Variants in EIF4G3 observed in about 807,000 individuals in gnomAD.
The protein encoded by EIF4G3 is eukaryotic translation initiation factor 4 gamma 3.
Under a neutral mutation model 186.4 loss-of-function variants are expected in EIF4G3, and 34 were observed. The observed-to-expected ratio is 0.18, with a 90% confidence interval of 0.14 to 0.24. The LOEUF is 0.24. Ranked by LOEUF, EIF4G3 falls within the 10% of genes least tolerant of loss-of-function variation. The pLI is 1.00. For missense variants in EIF4G3, 1,536 were observed against 1,948.5 expected, an observed-to-expected ratio of 0.79 and a Z score of 3.99; for synonymous variants, 673 against 679.5, an observed-to-expected ratio of 0.99 and a Z score of 0.15.
Position 20,810,018 on chromosome 1 carries a change from C to T in EIF4G3, c.4744+720G>A, listed in dbSNP as rs1419796450. On this transcript the variant is annotated intron_variant, in intron 36 of 36. Transcript: ENST00000602326. This position sits in a 1 kb window ranked among gnomAD's most constrained non-coding sequence, Gnocchi z 4.1. ...CAGAGTCTTGCTCTGTTGTCCAGGCCGGAGTGCAGTGGCGCCATCTTGGCT... is the reference window on the plus strand; with the variant it reads ...CAGAGTCTTGCTCTGTTGTCCAGGCTGGAGTGCAGTGGCGCCATCTTGGCT... Among the ~76,000 whole-genome samples the T allele has an allele frequency of 4.0e-5, 6 of 151,820 alleles. No individual in the cohort carries two copies. Among genetic ancestry groups the T allele is most frequent in the South Asian group, 2.1e-4 (1 of 4,790 alleles).
At chr1:20,903,085 C>A (rs2090932157) in intron 15 of EIF4G3, among the ~76,000 whole-genome samples, 1 of 152,236 alleles carries the variant, frequency 6.6e-6, no homozygotes, top group South Asian at 2.1e-4. Context: ...TGCTTTTGCA[C>A]AGCATACAAG....
At chr1:21,111,555 G>A (rs1389769826) in intron 2 of EIF4G3, 8 of 310,844 alleles carry the variant, frequency 2.6e-5, no homozygotes, top group Middle Eastern at 1.2e-3. Context: ...GAGCACCAAC[G>A]GATCTCCTAA....
At position 20,816,125 on chromosome 1, in the gene EIF4G3, GC is replaced by G. The variant is rs1286346014; in HGVS notation, c.4515+1266del. ...GGGGGATCAGCCCCCCGCCCGGCCA[GC>G]CGCCCCGTCCGGGAGGTGAGGGGCG... is the stretch of plus-strand genomic sequence containing the variant. On this transcript the variant is annotated intron_variant, in intron 34 of 36. Coordinates refer to ENST00000602326, the MANE Select transcript of EIF4G3 (RefSeq NM_001391906.1). Among the ~76,000 whole-genome samples the G allele has an allele frequency of 4.4e-4, 60 of 135,554 alleles. No homozygotes were observed. The East Asian group carries it at 0.011, about 25-fold the overall frequency. 88.9% of individuals were successfully genotyped at this position (135,554 alleles called of 152,430 possible).
intron 3 of EIF4G3, among the ~76,000 whole-genome samples, chr1:21,054,346 G>A (rs530410556): frequency 7.3e-6 from 1 of 136,620 alleles, no homozygotes; most frequent in Non-Finnish European, 1.6e-5. Flanking sequence ...AGGCCGCAGG[G>A]TCCTCTGCCT....
intron 3 of EIF4G3, among the ~76,000 whole-genome samples, chr1:21,060,053 G>A (rs1010741450): frequency 5.3e-5 from 8 of 152,226 alleles, no homozygotes; most frequent in African/African-American, 1.9e-4. Flanking sequence ...CCAGGCTCAA[G>A]TGATCCTCCC....
chr1:20,916,587 A>G (rs1415214365), intron 14 of EIF4G3, among the ~76,000 whole-genome samples: 1 of 152,056 alleles, frequency 6.6e-6, no homozygotes, highest in Non-Finnish European at 1.5e-5. Context: ...TTTTTGCAGG[A>G]AAAAATATAG....
intron 3 of EIF4G3, among the ~76,000 whole-genome samples, chr1:21,060,230 G>A (rs976259964): frequency 3.3e-5 from 5 of 152,194 alleles, no homozygotes; most frequent in African/African-American, 7.2e-5. Context: ...AATTACAGGC[G>A]TGCGTCACTG....
At chr1:20,856,383 T>G (rs2074905616) in intron 25 of EIF4G3, among the ~76,000 whole-genome samples, 1 of 152,224 alleles carries the variant, frequency 6.6e-6, no homozygotes, top group Non-Finnish European at 1.5e-5. Context: ...AGGGTGCCGA[T>G]TTTCAGAACT....
rs71014120 is a variant in EIF4G3, at chr1:20,826,481, CTTTTTT to C, written c.4269+1130_4269+1135del. On this transcript the variant is annotated intron_variant, in intron 32 of 36. Transcript: ENST00000602326. ...TGTGCCAGCCAGAATGTGAGTCTTT[CTTTTTT>C]TTTTTTTTTTTTTTTTTTTTTGAGA... Among the ~76,000 whole-genome samples the C allele has an allele frequency of 2.4e-4, 12 of 50,656 alleles. No individual in the cohort carries two copies. In the East Asian group the frequency reaches 4.5e-3, roughly 19 times the overall value. The allele number at this position is 50,656 out of a possible 152,430, so 33.2% of individuals were successfully genotyped here. A position where few individuals can be genotyped will look rare whatever the true frequency, so the allele number is the denominator to read the frequency against.
At chr1:20,840,768 CTAAA>C in intron 30 of EIF4G3, 84 bp downstream of exon 30, 2 of 1,262,464 alleles carry the variant, frequency 1.6e-6, no homozygotes, top group Non-Finnish European at 2.2e-6. Flanking sequence ...ATGGAAAAAA[CTAAA>C]TACTTAAAGA....
intron 3 of EIF4G3, among the ~76,000 whole-genome samples, chr1:21,076,718 T>C (rs2095600685): frequency 6.6e-6 from 1 of 152,164 alleles, no homozygotes; most frequent in African/African-American, 2.4e-5. Context: ...TCAACAGTGC[T>C]GGGAAAACTG....
rs192027611 is a variant in EIF4G3 at position 20,981,863 on chromosome 1, A to G, written c.198+525T>C. ...ATAACAAAAGGGGTAGCTAATATTG[A>G]TATTTCTCTATTATATAAAAGAACT... is the stretch of plus-strand genomic sequence containing the variant. On this transcript the variant is annotated intron_variant, in intron 8 of 36. Coordinates refer to ENST00000602326, the MANE Select transcript of EIF4G3 (RefSeq NM_001391906.1). 2.6e-5 allele frequency among the ~76,000 whole-genome samples: 4 copies of G among 152,272 alleles called. No individual in the cohort carries two copies. The East Asian group carries it at 5.8e-4, about 22-fold the overall frequency.
At chr1:21,166,109 A>T (rs1006555273) in intron 2 of EIF4G3, among the ~76,000 whole-genome samples, 1 of 123,080 alleles carries the variant, frequency 8.1e-6, no homozygotes, top group Non-Finnish European at 1.8e-5. Flanking sequence ...TATAGTCTTA[A>T]ACTCTTTTTT....
intron 2 of EIF4G3, among the ~76,000 whole-genome samples, chr1:21,136,521 AAAAAAC>A (rs2097250401): frequency 6.6e-6 from 1 of 152,136 alleles, no homozygotes; most frequent in Admixed American, 6.5e-5. Context: ...CGTATCAAAA[AAAAAAC>A]AAAAACAAAC....
At chr1:21,159,386 G>A (rs901592293) in intron 2 of EIF4G3, among the ~76,000 whole-genome samples, 2 of 151,008 alleles carry the variant, frequency 1.3e-5, no homozygotes, top group Non-Finnish European at 2.9e-5. Flanking sequence ...ATTGCAGTGA[G>A]CTATGATCAA....
At chr1:20,904,305 A>T (rs1171927478) in intron 15 of EIF4G3, among the ~76,000 whole-genome samples, 1 of 152,200 alleles carries the variant, frequency 6.6e-6, no homozygotes, top group African/African-American at 2.4e-5. Flanking sequence ...ATACAAACAA[A>T]AGTTCTAGTT....
intron 32 of EIF4G3, among the ~76,000 whole-genome samples, chr1:20,826,637 G>A (rs573463534): frequency 5.4e-5 from 8 of 148,456 alleles, no homozygotes; most frequent in African/African-American, 1.7e-4. Context: ...CTACAGGTGC[G>A]TGCCACCATG....
At chr1:21,083,873 G>C (rs749995685) in intron 3 of EIF4G3, among the ~76,000 whole-genome samples, 1 of 151,954 alleles carries the variant, frequency 6.6e-6, no homozygotes, top group Non-Finnish European at 1.5e-5. Flanking sequence ...CAAAATACTC[G>C]TTCCTCATTC....
intron 3 of EIF4G3, 103 bp downstream of exon 3, chr1:21,089,035 C>T: frequency 4.7e-6 from 3 of 633,686 alleles, no homozygotes; most frequent in South Asian, 1.8e-5. Flanking sequence ...AACTTTTTGC[C>T]AAAAATTTGT....
Sources: allele counts gnomAD v4.1 joint callset (sites outside exome capture counted in the v4.1 genomes callset), GRCh38; gene constraint gnomAD v4.1.1; non-coding constraint Gnocchi (gnomAD v3.1); transcripts MANE v1.5; gene names NCBI Gene and HGNC (gene_info 2026-07-23, HGNC 2026-07-21).